OR9Q1: variants seen among roughly 807,000 people sequenced by gnomAD.
OR9Q1 encodes olfactory receptor 9Q1.
For synonymous variants in OR9Q1, 153 were observed against 148.6 expected (o/e 1.03, Z -0.22); for missense variants, 374 against 378.8 (o/e 0.99, Z 0.11).
chr11:58,180,024 AC>A lies in OR9Q1; in HGVS notation c.581del (p.Thr194IlefsTer5), dbSNP rs763466760. 21 of 1,613,922 alleles carry A rather than the reference AC, an allele frequency of 1.3e-5. No individual in the cohort carries two copies. The highest frequency in any genetic ancestry group is 1.8e-5 in the Non-Finnish European group (21 of 1,179,992). On this transcript the variant is annotated frameshift_variant, in exon 3 of 3. Coordinates refer to ENST00000335397, the MANE Select transcript of OR9Q1 (RefSeq NM_001005212.4). LOFTEE classifies it high-confidence loss of function. ...LLKLTCGESYTQEVLIIMFAI... is the reference protein window; with the variant it reads ...LLKLTCGESYXQEVLIIMFAI... Reference sequence around the variant, plus strand: ...AAAGTTGACCTGTGGGGAGAGCTACACTCAAGAAGTGCTGATTATTATGTTT... The same window carrying A: ...AAAGTTGACCTGTGGGGAGAGCTACATCAAGAAGTGCTGATTATTATGTTT...
chr11:58,169,868 G>A (rs534398594), intron 2 of OR9Q1, among the ~76,000 whole-genome samples: 3 of 150,034 alleles, frequency 2.0e-5, no homozygotes, highest in South Asian at 4.2e-4. Context: ...TTTTCCTTTG[G>A]TTCTTATTGC....
intron 2 of OR9Q1, among the ~76,000 whole-genome samples, chr11:58,152,809 T>G (rs1854366450): frequency 6.6e-6 from 1 of 152,354 alleles, no homozygotes; most frequent in South Asian, 2.1e-4. Context: ...TTACCTTTTT[T>G]TTAGATTTGC....
intron 2 of OR9Q1, among the ~76,000 whole-genome samples, chr11:58,084,587 T>C (rs1226344820): frequency 6.6e-6 from 1 of 151,858 alleles, no homozygotes; most frequent in Admixed American, 6.6e-5. Context: ...AAAAAGTTAA[T>C]ACACCATGAT....
intron 1 of OR9Q1, chr11:58,031,246 T>C: frequency 6.2e-7 from 1 of 1,614,224 alleles, no homozygotes; most frequent in South Asian, 1.1e-5. Context: ...ATATCTCTTA[T>C]GCTGATTGCC....
chr11:58,054,291 T>A (rs1853305585), intron 1 of OR9Q1, among the ~76,000 whole-genome samples: 2 of 152,194 alleles, frequency 1.3e-5, no homozygotes, highest in African/African-American at 4.8e-5. Flanking sequence ...GAGGTGGTCA[T>A]CTTTTCCAGA....
chr11:58,065,726 A>AACTGCCGGGTCTTGGCACCTGTGAC, intron 2 of OR9Q1, among the ~76,000 whole-genome samples: 1 of 152,266 alleles, frequency 6.6e-6, no homozygotes, highest in East Asian at 1.9e-4. Flanking sequence ...GCTGTCCAGC[A>AACTGCCGGGTCTTGGCACCTGTGAC]AATTTAAGGA....
chr11:58,103,643 T>C (rs1443789633), intron 2 of OR9Q1, among the ~76,000 whole-genome samples: 13 of 152,234 alleles, frequency 8.5e-5, no homozygotes, highest in Admixed American at 8.5e-4. Flanking sequence ...AGAAGTGTCA[T>C]GTTTTGTTTT....
intron 2 of OR9Q1, among the ~76,000 whole-genome samples, chr11:58,100,887 C>T (rs568790690): frequency 9.2e-5 from 14 of 151,930 alleles, no homozygotes; most frequent in African/African-American, 2.9e-4. Context: ...AACTGGAGAA[C>T]GTTGTGTCAA....
chr11:58,167,569 T>TAA (rs1854516921), intron 2 of OR9Q1, among the ~76,000 whole-genome samples: 2 of 152,198 alleles, frequency 1.3e-5, no homozygotes, highest in African/African-American at 4.8e-5. Context: ...AATTTTTAGT[T>TAA]GCGTCTATGG....
At chr11:58,150,988 C>T (rs1282112694) in intron 2 of OR9Q1, among the ~76,000 whole-genome samples, 3 of 152,142 alleles carry the variant, frequency 2.0e-5, no homozygotes, top group Non-Finnish European at 4.4e-5. Context: ...TTGCCACATC[C>T]AATGTCATGA....
At chr11:58,171,352 T>C (rs1854552845) in intron 2 of OR9Q1, 2 of 152,460 alleles carry the variant, frequency 1.3e-5, no homozygotes, top group African/African-American at 2.4e-5. Context: ...CTGAATTGGG[T>C]GATAGCTTCC....
In OR9Q1 at chr11:58,115,111, C is replaced by A. The variant is rs140958188; in HGVS notation, c.-15+59164C>A. ...AGTTGTACAGGATATTTAACTTTGA[C>A]ATAAAGAAAAGCTGCTTTGAGAATT... On this transcript the variant is annotated intron_variant, in intron 2 of 2. Coordinates refer to ENST00000335397, the MANE Select transcript of OR9Q1 (RefSeq NM_001005212.4). Among the ~76,000 whole-genome samples, 2 of 152,210 alleles carry A rather than the reference C, an allele frequency of 1.3e-5. 1 individual carries two copies. Among genetic ancestry groups the A allele is most frequent in the East Asian group, 3.9e-4 (2 of 5,168 alleles).
At chr11:58,155,027 G>A (rs1854393097) in intron 2 of OR9Q1, among the ~76,000 whole-genome samples, 1 of 152,124 alleles carries the variant, frequency 6.6e-6, no homozygotes, top group Non-Finnish European at 1.5e-5. Flanking sequence ...CTACCTTCCT[G>A]CCTACCTACC....
intron 2 of OR9Q1, among the ~76,000 whole-genome samples, chr11:58,138,297 T>A (rs990576544): frequency 4.6e-5 from 7 of 152,174 alleles, no homozygotes; most frequent in Non-Finnish European, 7.4e-5. Context: ...TCGTACTTCC[T>A]GGGCCAAAGT....
intron 2 of OR9Q1, among the ~76,000 whole-genome samples, chr11:58,094,759 A>C (rs1012383340): frequency 1.3e-5 from 2 of 152,204 alleles, no homozygotes; most frequent in Non-Finnish European, 2.9e-5. Flanking sequence ...TAAAAAATGA[A>C]CAAAATTGCC....
chr11:58,118,578 G>T lies in OR9Q1; in HGVS notation c.-14-60853G>T, dbSNP rs772931722. 2.3e-5 allele frequency: 37 copies of T among 1,613,880 alleles called. No individual in the cohort carries two copies. The East Asian group carries it at 7.4e-4, about 32-fold the overall frequency. ...TTACATCTTTGTTTCTTAAGCTGTAGATCAGAGGGTTCAGCATGGGGATGA... is the reference window on the plus strand; with the variant it reads ...TTACATCTTTGTTTCTTAAGCTGTATATCAGAGGGTTCAGCATGGGGATGA... On this transcript the variant is annotated intron_variant, in intron 2 of 2. Coordinates refer to ENST00000335397, the MANE Select transcript of OR9Q1 (RefSeq NM_001005212.4).
intron 2 of OR9Q1, among the ~76,000 whole-genome samples, chr11:58,125,684 T>G (rs528281943): frequency 2.6e-5 from 4 of 152,148 alleles, no homozygotes; most frequent in African/African-American, 9.7e-5. Context: ...CCCCTGGGAC[T>G]CCAGAGAATA....
intron 2 of OR9Q1, among the ~76,000 whole-genome samples, chr11:58,167,483 G>A (rs114134148): frequency 8.9e-4 from 136 of 152,060 alleles, no homozygotes; most frequent in Middle Eastern, 3.4e-3. Flanking sequence ...TCAGCTTGTC[G>A]TGTTTTATCA....
At chr11:58,149,839 A>G (rs965446044) in intron 2 of OR9Q1, among the ~76,000 whole-genome samples, 14 of 152,196 alleles carry the variant, frequency 9.2e-5, no homozygotes, top group African/African-American at 3.4e-4. Context: ...TGGATATGCC[A>G]TATTTTGTTT....
Sources: gnomAD v4.1 joint callset for allele counts (sites outside exome capture counted in the v4.1 genomes callset) on GRCh38, gnomAD v4.1.1 for gene constraint, MANE v1.5 for transcripts, NCBI Gene and HGNC (gene_info 2026-07-23, HGNC 2026-07-21) for gene names.